The following ST3GAL6 variants were observed in gnomAD, a reference collection of about 807,000 sequenced individuals.
The protein encoded by ST3GAL6 is type 2 lactosamine alpha-2,3-sialyltransferase.
In ST3GAL6, 31 loss-of-function variants were observed where a neutral mutation model predicts 40.5. The observed-to-expected ratio is 0.77, with a 90% confidence interval of 0.58 to 1.03. The LOEUF is 1.03. ST3GAL6 is among the 50% of genes least tolerant of loss of function. The pLI is 0.00. For missense variants in ST3GAL6, 357 were observed against 393.2 expected, an observed-to-expected ratio of 0.91 and a Z score of 0.78; for synonymous variants, 129 against 136.9, an observed-to-expected ratio of 0.94 and a Z score of 0.40.
rs570812758 is a variant in ST3GAL6 at position 98,791,933 on chromosome 3, T to G, written c.849T>G (p.Phe283Leu). 8 of 1,614,084 alleles carry G rather than the reference T, an allele frequency of 5.0e-6. No homozygotes were observed. In the African/African-American group the frequency reaches 9.3e-5, roughly 19 times the overall value. ...ACCTAGCTGGTTTTAAATACAACTT[T>G]TCTGACCTCAAGAGTCCTTTGCACT... ...EVHLAGFKYN[F>L]SDLKSPLHYY... Residue 283 changes from phenylalanine (F) to leucine (L), a missense_variant, in exon 9 of 10, where the codon TTT becomes TTG. By Grantham distance (22) the Phe-to-Leu change is conservative. Transcript: ENST00000483910.
At chr3:98,762,323 A>G (rs1012259303), upstream of ST3GAL6, among the ~76,000 whole-genome samples, 5 of 152,052 alleles carry the variant, frequency 3.3e-5, no homozygotes, top group African/African-American at 9.7e-5. Flanking sequence ...ACACAACTCA[A>G]TATTTTTGGA....
chr3:98,751,817 C>G (rs551844485), intron 1 of ST3GAL6, among the ~76,000 whole-genome samples: 1 of 152,282 alleles, frequency 6.6e-6, no homozygotes, highest in African/African-American at 2.4e-5. Flanking sequence ...GTTACATATG[C>G]ATATGTCTAA....
At chr3:98,773,069 T>TAAAA in intron 4 of ST3GAL6, 153 bp downstream of exon 4, 1 of 519,060 alleles carries the variant, frequency 1.9e-6, no homozygotes, top group South Asian at 3.0e-5. Context: ...GAATTACATT[T>TAAAA]TAAAATATAA....
rs552730736 is a variant in ST3GAL6 at position 98,771,967 on chromosome 3, A to G, written c.168-846A>G. On this transcript the variant is annotated intron_variant, in intron 3 of 9. Transcript: ENST00000483910. ...AGATGTACTGTGTTCTGTTCCATTC[A>G]CTTTTTAAAAAGATGCCGATCGTGA... Among the ~76,000 whole-genome samples, 7 of 152,198 alleles carry G rather than the reference A, an allele frequency of 4.6e-5. No individual in the cohort carries two copies. In the South Asian group the frequency reaches 6.2e-4, roughly 14 times the overall value.
intron 1 of ST3GAL6, among the ~76,000 whole-genome samples, chr3:98,739,069 T>C (rs572772930): frequency 1.2e-4 from 18 of 152,100 alleles, no homozygotes; most frequent in Non-Finnish European, 2.4e-4. Flanking sequence ...CATACAATTA[T>C]ATGAAAATTA....
At chr3:98,772,786 A>C in intron 3 of ST3GAL6, 27 bp from the exon 4 acceptor site, 1 of 1,570,970 alleles carries the variant, frequency 6.4e-7, no homozygotes, top group Non-Finnish European at 8.8e-7. Context: ...GTATTTGGCA[A>C]AATCATTCTT....
At chr3:98,781,143 C>T (rs1940075367) in intron 5 of ST3GAL6, among the ~76,000 whole-genome samples, 1 of 152,124 alleles carries the variant, frequency 6.6e-6, no homozygotes, top group Non-Finnish European at 1.5e-5. Context: ...GAATACTATG[C>T]AGCCATAAAA....
intron 5 of ST3GAL6, among the ~76,000 whole-genome samples, chr3:98,780,009 A>G (rs190037920): frequency 6.6e-6 from 1 of 152,208 alleles, no homozygotes; most frequent in African/African-American, 2.4e-5. Context: ...AAGTTATGTT[A>G]ATTAAATATG....
intron 1 of ST3GAL6, among the ~76,000 whole-genome samples, chr3:98,736,900 A>T (rs1935591339): frequency 1.3e-5 from 2 of 152,192 alleles, no homozygotes; most frequent in African/African-American, 4.8e-5. Context: ...AGAGTGCAAA[A>T]GACGGAGTGG....
At chr3:98,748,386 A>G (rs577677535) in intron 1 of ST3GAL6, among the ~76,000 whole-genome samples, 1 of 152,236 alleles carries the variant, frequency 6.6e-6, no homozygotes, top group South Asian at 2.1e-4. Flanking sequence ...TATTGTGGGG[A>G]TTATATGAGT....
chr3:98,782,232 C>T (rs1454452228), intron 5 of ST3GAL6: 1 of 703,208 alleles, frequency 1.4e-6, no homozygotes, highest in Non-Finnish European at 2.6e-6. Context: ...GACCATGAGG[C>T]TTCCGCCTGC....
rs1941443064 is a variant in ST3GAL6 at position 98,794,384 on chromosome 3, A to G, written c.*623A>G. Reference sequence around the variant, plus strand: ...AAGTAAATAACTAAAGAAAGAATACAATTACTAAACTCTGATGGCTTTGTA... The same window carrying G: ...AAGTAAATAACTAAAGAAAGAATACGATTACTAAACTCTGATGGCTTTGTA... On this transcript the variant is annotated 3_prime_UTR_variant, in exon 10 of 10. Transcript: ENST00000483910. 1 of 152,198 alleles carries G rather than the reference A, an allele frequency of 6.6e-6. No homozygotes were observed. The highest frequency in any genetic ancestry group is 6.5e-5 in the Admixed American group (1 of 15,274). 9.4% of individuals were successfully genotyped at this position (152,198 alleles called of 1,614,324 possible). A position where few individuals can be genotyped will look rare whatever the true frequency, so the allele number is the denominator to read the frequency against.
intron 5 of ST3GAL6, chr3:98,783,506 T>G: frequency 1.0e-6 from 1 of 964,636 alleles, no homozygotes; most frequent in Non-Finnish European, 1.2e-6. Flanking sequence ...CAGCCACATT[T>G]GAACCAAATC....
At chr3:98,732,883 A>T in intron 1 of ST3GAL6, 2 of 1,511,280 alleles carry the variant, frequency 1.3e-6, no homozygotes, top group South Asian at 1.2e-5. Flanking sequence ...GCGCCGCGAG[A>T]GAGGCAGCAG....
At chr3:98,756,522 C>T in intron 1 of ST3GAL6, 1 of 1,269,696 alleles carries the variant, frequency 7.9e-7, no homozygotes, top group Non-Finnish European at 1.0e-6. Flanking sequence ...CTTTAGGACA[C>T]AGATTCTTAA....
intron 3 of ST3GAL6, chr3:98,771,287 A>G: frequency 1.6e-6 from 1 of 608,930 alleles, no homozygotes; most frequent in Non-Finnish European, 2.4e-6. Context: ...GTTATTTTCC[A>G]CCCTTATTAA....
At chr3:98,781,994 C>T (rs1444186282) in intron 5 of ST3GAL6, among the ~76,000 whole-genome samples, 1 of 152,094 alleles carries the variant, frequency 6.6e-6, no homozygotes, top group Non-Finnish European at 1.5e-5. Flanking sequence ...TGAGAATCGC[C>T]CCCTCCTATA....
chr3:98,740,297 C>G (rs1935958482), intron 1 of ST3GAL6, among the ~76,000 whole-genome samples: 1 of 139,664 alleles, frequency 7.2e-6, no homozygotes, highest in Admixed American at 7.4e-5. Flanking sequence ...AATAAAAAAT[C>G]ATATTCTTAC....
Position 98,792,013 on chromosome 3 carries a change from G to A in ST3GAL6, c.909+20G>A, listed in dbSNP as rs773999303. ...AATAAGGTAATATACTGTACTTTAG[G>A]TAATATACATATGCTTTGGACTAAT... On this transcript the variant is annotated intron_variant, in intron 9 of 9. Transcript: ENST00000483910. 4.4e-6 allele frequency: 7 copies of A among 1,581,572 alleles called. No homozygotes were observed. Among genetic ancestry groups the A allele is most frequent in the Non-Finnish European group, 6.0e-6 (7 of 1,161,842 alleles).
Sources: allele counts gnomAD v4.1 joint callset (sites outside exome capture counted in the v4.1 genomes callset), GRCh38; gene constraint gnomAD v4.1.1; transcripts MANE v1.5; gene names NCBI Gene and HGNC (gene_info 2026-07-23, HGNC 2026-07-21).